Variants in SIPA1L2 observed in about 807,000 individuals in gnomAD.
The protein encoded by SIPA1L2 is signal induced proliferation associated 1 like 2.
A neutral mutation model predicts 163.9 loss-of-function variants in SIPA1L2; 56 were observed. The ratio of observed to expected loss-of-function variants is 0.34; its 90% CI spans 0.28 to 0.43. The LOEUF is 0.43. Ranked by LOEUF, SIPA1L2 falls within the 20% of genes least tolerant of loss-of-function variation. The pLI is 1.00. For missense variants in SIPA1L2, 1,974 were observed against 2,193.5 expected, an observed-to-expected ratio of 0.90 and a Z score of 2.00; for synonymous variants, 877 against 865.7, an observed-to-expected ratio of 1.01 and a Z score of -0.23.
At chr1:232,417,738 C>T (rs1225192939) in intron 18 of SIPA1L2, among the ~76,000 whole-genome samples, 3 of 152,202 alleles carry the variant, frequency 2.0e-5, no homozygotes, top group Admixed American at 2.0e-4. Flanking sequence ...TCTCTCTCTG[C>T]AACTCATATG....
In SIPA1L2 at chr1:232,496,100, C is replaced by G. The variant is rs553472390; in HGVS notation, c.1484-2440G>C. On this transcript the variant is annotated intron_variant, in intron 3 of 22. Coordinates refer to ENST00000674635, the MANE Select transcript of SIPA1L2 (RefSeq NM_020808.5). ...TAATGTCCTACATTAACTCACTACT[C>G]AATCACTGACTCACGCAGAGCGGAT... is the stretch of plus-strand genomic sequence containing the variant. 3.3e-5 allele frequency among the ~76,000 whole-genome samples: 5 copies of G among 152,340 alleles called. No homozygotes were observed. The South Asian group carries it at 1.0e-3, about 32-fold the overall frequency.
intron 15 of SIPA1L2, 150 bp downstream of exon 15, chr1:232,438,958 A>T (rs1388925355): frequency 4.3e-6 from 3 of 696,526 alleles, no homozygotes. Flanking sequence ...TTGTAGAAAC[A>T]AGCCCTTCCT....
intron 1 of SIPA1L2, among the ~76,000 whole-genome samples, chr1:232,612,917 A>G (rs969309062): frequency 2.0e-5 from 3 of 151,348 alleles, no homozygotes; most frequent in South Asian, 4.1e-4. Flanking sequence ...TTGTACTCCC[A>G]TAATTCCTAC....
intron 2 of SIPA1L2, among the ~76,000 whole-genome samples, chr1:232,558,120 C>T (rs1344588129): frequency 1.3e-5 from 2 of 152,282 alleles, no homozygotes; most frequent in African/African-American, 2.4e-5. Context: ...GAAACCTCCC[C>T]AGACAGCTTG....
chr1:232,603,900 A>G (rs1193894947), intron 1 of SIPA1L2, among the ~76,000 whole-genome samples: 4 of 152,160 alleles, frequency 2.6e-5, no homozygotes. Flanking sequence ...ACTAAGTAAA[A>G]GGGTACCCAG....
chr1:232,484,523 GT>G (rs1412363055), intron 5 of SIPA1L2, among the ~76,000 whole-genome samples: 1 of 152,146 alleles, frequency 6.6e-6, no homozygotes, highest in Non-Finnish European at 1.5e-5. Context: ...ACATTAAAAT[GT>G]TTTGTTGCCA....
intron 1 of SIPA1L2, among the ~76,000 whole-genome samples, chr1:232,609,134 G>A (rs1490816899): frequency 6.6e-6 from 1 of 152,146 alleles, no homozygotes; most frequent in Non-Finnish European, 1.5e-5. Context: ...AACTTGTATG[G>A]TGAGTCACAT....
intron 3 of SIPA1L2, among the ~76,000 whole-genome samples, chr1:232,511,431 T>C (rs1666975836): frequency 6.6e-6 from 1 of 152,234 alleles, no homozygotes; most frequent in African/African-American, 2.4e-5. Context: ...TTTAGCTTTA[T>C]TGCATCAGAT....
intron 2 of SIPA1L2, among the ~76,000 whole-genome samples, chr1:232,570,419 T>C (rs573048539): frequency 6.6e-5 from 10 of 152,316 alleles, no homozygotes; most frequent in African/African-American, 2.2e-4. Flanking sequence ...TATCACAAAA[T>C]CTGTAGATTT....
chr1:232,450,032 T>C (rs1301814083), intron 10 of SIPA1L2, among the ~76,000 whole-genome samples: 1 of 151,866 alleles, frequency 6.6e-6, no homozygotes, highest in African/African-American at 2.4e-5. Context: ...GTAGCGTTAA[T>C]AGAGTAGAGT....
intron 1 of SIPA1L2, among the ~76,000 whole-genome samples, chr1:232,628,050 A>G (rs562658431): frequency 8.3e-4 from 127 of 152,342 alleles, no homozygotes; most frequent in African/African-American, 3.0e-3. Context: ...ATATTTACTC[A>G]GCGTATAAAT....
rs754022709 is a variant in SIPA1L2 at position 232,479,714 on chromosome 1, C to T, written c.1998G>A (p.Thr666=). The T allele has an allele frequency of 6.2e-6, 10 of 1,613,170 alleles. No individual in the cohort carries two copies. Among genetic ancestry groups the T allele is most frequent in the Middle Eastern group, 1.6e-4 (1 of 6,080 alleles). Reference sequence around the variant, plus strand: ...CTTTGTATGTGGTATAGAGAGAGTGCGTGCCCGTGGAATCAGCTGAAAACA... The same window carrying T: ...CTTTGTATGTGGTATAGAGAGAGTGTGTGCCCGTGGAATCAGCTGAAAACA... The part of the protein sequence containing the change: ...QLDNKTDSTG[T]HSLYTTYKDY... Residue 666 remains threonine (T), a synonymous_variant, in exon 7 of 23, where the codon ACG becomes ACA. Coordinates refer to ENST00000674635, the MANE Select transcript of SIPA1L2 (RefSeq NM_020808.5).
chr1:232,520,418 A>G (rs187694468), intron 2 of SIPA1L2, among the ~76,000 whole-genome samples: 47 of 152,380 alleles, frequency 3.1e-4, no homozygotes, highest in Admixed American at 1.2e-3. Flanking sequence ...TGTCTTGGTA[A>G]TAATTTTAAA....
intron 11 of SIPA1L2, among the ~76,000 whole-genome samples, chr1:232,444,713 G>A (rs1261854491): frequency 2.0e-5 from 3 of 152,184 alleles, no homozygotes; most frequent in Non-Finnish European, 4.4e-5. Context: ...GATGTGGTTT[G>A]TCAGATGAAG....
intron 16 of SIPA1L2, among the ~76,000 whole-genome samples, chr1:232,431,892 A>G (rs896924379): frequency 3.9e-5 from 6 of 152,242 alleles, no homozygotes; most frequent in Admixed American, 2.0e-4. Context: ...TGTCACTTAC[A>G]CGGCAACTTT....
intron 18 of SIPA1L2, among the ~76,000 whole-genome samples, chr1:232,419,536 G>C (rs1430569856): frequency 6.6e-6 from 1 of 152,120 alleles, no homozygotes; most frequent in African/African-American, 2.4e-5. Flanking sequence ...TAATGAGTGA[G>C]TTCTCGTGAG....
intron 1 of SIPA1L2, among the ~76,000 whole-genome samples, chr1:232,598,643 G>A (rs572168361): frequency 2.0e-5 from 3 of 152,266 alleles, no homozygotes; most frequent in Admixed American, 6.5e-5. Flanking sequence ...AGGGTCTGGT[G>A]AGAGCCCACT....
intron 1 of SIPA1L2, among the ~76,000 whole-genome samples, chr1:232,621,011 A>T (rs1212340966): frequency 6.6e-6 from 1 of 152,256 alleles, no homozygotes; most frequent in African/African-American, 2.4e-5. Flanking sequence ...AACAAAGATT[A>T]TGCAAATCTA....
Position 232,464,939 on chromosome 1 carries a change from T to A in SIPA1L2, c.2721A>T (p.Leu907Phe), listed in dbSNP as rs1229096782. 6.2e-7 allele frequency: 1 copy of A among 1,614,220 alleles called. No homozygotes were observed. Among genetic ancestry groups the A allele is most frequent in the Non-Finnish European group, 8.5e-7 (1 of 1,180,020 alleles). ...CRDVIGWTSGLVSIKVFYERG... is the reference protein window; with the variant it reads ...CRDVIGWTSGFVSIKVFYERG... The stretch of plus-strand genomic sequence containing the variant: ...TTTCGTAAAACACTTTGATACTCAC[T>A]AATCCAGATGTCCACCCAATCACAT... Residue 907 changes from leucine to phenylalanine, a missense_variant, in exon 9 of 23, where the codon TTA becomes TTT. Leu to Phe is a conservative substitution (Grantham distance 22). Around this residue, in one of 3 missense-constraint regions of SIPA1L2, gnomAD observed 1,079 missense variants for 1,150.7 expected, o/e 0.94. Coordinates refer to ENST00000674635, the MANE Select transcript of SIPA1L2 (RefSeq NM_020808.5).
Sources: allele counts gnomAD v4.1 joint callset (sites outside exome capture counted in the v4.1 genomes callset), GRCh38; gene constraint gnomAD v4.1.1; regional missense constraint gnomAD v4.1.1; transcripts MANE v1.5; gene names NCBI Gene and HGNC (gene_info 2026-07-23, HGNC 2026-07-21).